Variants in VAV2 observed in about 807,000 individuals in gnomAD.
The protein encoded by VAV2 is vav guanine nucleotide exchange factor 2.
Under a neutral mutation model 132.5 loss-of-function variants are expected in VAV2, and 67 were observed. That is an observed-to-expected ratio of 0.51 (90% CI 0.42 to 0.62). The LOEUF is 0.62. Among genes scored for constraint, VAV2 ranks in the 20% least tolerant of loss-of-function variants. The pLI is 0.00. For synonymous variants in VAV2, 492 were observed against 443.5 expected (o/e 1.11, Z -1.37); for missense variants, 938 against 1,153.6 (o/e 0.81, Z 2.71).
At chr9:133,801,106 G>A (rs113796645) in intron 9 of VAV2, among the ~76,000 whole-genome samples, 3,115 of 152,288 alleles carry the variant, frequency 0.02, 89 homozygotes, top group African/African-American at 0.07. Flanking sequence ...CCTGCACCAG[G>A]CACTCACACA....
rs141598029 is a variant in VAV2 at position 133,862,707 on chromosome 9, C to T, written c.322-1275G>A. Among the ~76,000 whole-genome samples the T allele has an allele frequency of 2.8e-3, 432 of 152,312 alleles. 2 individuals are homozygous for T. Among genetic ancestry groups the T allele is most frequent in the African/African-American group, 0.01 (420 of 41,562 alleles). Reference sequence around the variant, plus strand: ...GGAGCCCAGAGGGCGCTCTGTGTGCCGGACACCACACCAGGGAACCCCACG... The same window carrying T: ...GGAGCCCAGAGGGCGCTCTGTGTGCTGGACACCACACCAGGGAACCCCACG... On this transcript the variant is annotated intron_variant, in intron 2 of 29. Coordinates refer to ENST00000371850, the MANE Select transcript of VAV2 (RefSeq NM_001134398.2).
At chr9:133,989,446 G>A (rs1239042897) in intron 1 of VAV2, among the ~76,000 whole-genome samples, 1 of 151,846 alleles carries the variant, frequency 6.6e-6, no homozygotes, top group African/African-American at 2.4e-5. Flanking sequence ...CTTGAACCCA[G>A]GAAGTGGAGG....
chr9:133,970,793 T>C (rs1842306325), intron 1 of VAV2, among the ~76,000 whole-genome samples: 1 of 152,218 alleles, frequency 6.6e-6, no homozygotes, highest in African/African-American at 2.4e-5. Flanking sequence ...AGGGCAGCCC[T>C]GAACTAGCAG....
Position 133,939,091 on chromosome 9 carries a change from GTGAC to G in VAV2, c.321+8_321+11del. 9 of 1,613,040 alleles carry G rather than the reference GTGAC, an allele frequency of 5.6e-6. No homozygotes were observed. Among genetic ancestry groups the G allele is most frequent in the Non-Finnish European group, 7.6e-6 (9 of 1,178,972 alleles). Reference sequence around the variant, plus strand: ...AGCTGAGCGACCGAGGCTGGAGAGAGTGACTGCTCACCTTTCCAAAGTCTCGCAC... The same window carrying G: ...AGCTGAGCGACCGAGGCTGGAGAGAGTGCTCACCTTTCCAAAGTCTCGCAC... On this transcript the variant is annotated splice_region_variant and intron_variant, in intron 2 of 29. Transcript: ENST00000371850.
At position 133,768,175 on chromosome 9, in the gene VAV2, G is replaced by A. The variant is rs1325010951; in HGVS notation, c.2589+267C>T. On this transcript the variant is annotated intron_variant, in intron 29 of 29. Coordinates refer to ENST00000371850, the MANE Select transcript of VAV2 (RefSeq NM_001134398.2). The surrounding 1 kb of genome is among the most constrained non-coding windows in gnomAD (Gnocchi z 5.3). The stretch of plus-strand genomic sequence containing the variant: ...CCAGAATAAAAATGGAACAGGGTCG[G>A]GGGGTTCCTAGGAGCCTGGATCCGC... Among the ~76,000 whole-genome samples, 1 of 152,136 alleles carries A rather than the reference G, an allele frequency of 6.6e-6. No individual in the cohort carries two copies. Among genetic ancestry groups the A allele is most frequent in the Non-Finnish European group, 1.5e-5 (1 of 68,000 alleles).
intron 2 of VAV2, among the ~76,000 whole-genome samples, chr9:133,937,976 C>T (rs1840987376): frequency 6.6e-6 from 1 of 152,236 alleles, no homozygotes; most frequent in African/African-American, 2.4e-5. Flanking sequence ...AGCCTGGTGG[C>T]TCCGGGATCG....
intron 1 of VAV2, among the ~76,000 whole-genome samples, chr9:133,982,406 C>T (rs186892243): frequency 4.8e-5 from 6 of 125,802 alleles, no homozygotes; most frequent in African/African-American, 1.7e-4. Flanking sequence ...ACCAGGCTGG[C>T]AGGGCAGGAG....
At chr9:133,851,893 A>ATGGATGGATGGATGGG (rs1241164706) in intron 3 of VAV2, among the ~76,000 whole-genome samples, 1 of 146,960 alleles carries the variant, frequency 6.8e-6, no homozygotes, top group Non-Finnish European at 1.5e-5. Context: ...GGATGCATGG[A>ATGGATGGATGGATGGG]TGGATGGATG....
chr9:133,808,899 G>C, intron 7 of VAV2, 141 bp downstream of exon 7: 1 of 737,412 alleles, frequency 1.4e-6, no homozygotes, highest in South Asian at 2.0e-5. Flanking sequence ...TGGAGGCAGA[G>C]CTGGGAGGGC....
At chr9:133,937,879 A>G (rs545563949) in intron 2 of VAV2, among the ~76,000 whole-genome samples, 6 of 152,278 alleles carry the variant, frequency 3.9e-5, no homozygotes, top group Admixed American at 2.0e-4. Flanking sequence ...ACTTCTAAGG[A>G]TTCGATGATT....
intron 29 of VAV2, 111 bp from the exon 30 acceptor site, chr9:133,764,220 CT>C: frequency 7.2e-7 from 1 of 1,386,412 alleles, no homozygotes; most frequent in Non-Finnish European, 1.0e-6. Flanking sequence ...ATGGGGGGCC[CT>C]TCGGAAGTCC....
chr9:133,885,694 C>A lies in VAV2; in HGVS notation c.322-24262G>T, dbSNP rs1012845357. 1.3e-5 allele frequency among the ~76,000 whole-genome samples: 2 copies of A among 152,222 alleles called. No individual in the cohort carries two copies. The highest frequency in any genetic ancestry group is 2.9e-5 in the Non-Finnish European group (2 of 68,048). ...GCTCTGAAATGACTGGACTCTGCATCTGGCCTCACCAGGTGATGCTCAGCT... is the reference window on the plus strand; with the variant it reads ...GCTCTGAAATGACTGGACTCTGCATATGGCCTCACCAGGTGATGCTCAGCT... On this transcript the variant is annotated intron_variant, in intron 2 of 29. Transcript: ENST00000371850. This position sits in a 1 kb window ranked among gnomAD's most constrained non-coding sequence, Gnocchi z 5.0.
chr9:133,799,766 G>GT (rs1261197705), intron 9 of VAV2, among the ~76,000 whole-genome samples: 1 of 152,066 alleles, frequency 6.6e-6, no homozygotes, highest in African/African-American at 2.4e-5. Flanking sequence ...GAGAAAAAGG[G>GT]TTTTCCCCTT....
Position 133,785,727 on chromosome 9 carries a change from C to T in VAV2, c.1532+49G>A, listed in dbSNP as rs754172571. On this transcript the variant is annotated intron_variant, in intron 17 of 29. Transcript: ENST00000371850. ...ACAATCCACCTGGGCTTCCACCCCC[C>T]ATACAACTCATCTGCCAGGGACCTG... 3.8e-6 allele frequency: 6 copies of T among 1,570,300 alleles called. No individual in the cohort carries two copies. The African/African-American group carries it at 4.1e-5, about 11-fold the overall frequency.
At chr9:133,853,619 C>T (rs1338267999) in intron 3 of VAV2, among the ~76,000 whole-genome samples, 3 of 152,086 alleles carry the variant, frequency 2.0e-5, no homozygotes, top group Non-Finnish European at 4.4e-5. Flanking sequence ...CCACACATGC[C>T]GCCCCCCTTT....
At chr9:133,924,743 G>A (rs893586769) in intron 2 of VAV2, among the ~76,000 whole-genome samples, 3 of 152,232 alleles carry the variant, frequency 2.0e-5, no homozygotes, top group Admixed American at 2.0e-4. Flanking sequence ...CTGGAAGGGA[G>A]GGGGCCTATG....
rs965034885 is a variant in VAV2, at chr9:133,884,060, G to A, written c.322-22628C>T. Reference sequence around the variant, plus strand: ...TGAGGCAGGGGAATCACTTGAACCCGGGAGGCGGAGGTTGCAGCGAGGCGG... The same window carrying A: ...TGAGGCAGGGGAATCACTTGAACCCAGGAGGCGGAGGTTGCAGCGAGGCGG... On this transcript the variant is annotated intron_variant, in intron 2 of 29. Transcript: ENST00000371850. The surrounding 1 kb of genome is among the most constrained non-coding windows in gnomAD (Gnocchi z 5.3). Among the ~76,000 whole-genome samples, 6 of 152,042 alleles carry A rather than the reference G, an allele frequency of 3.9e-5. No homozygotes were observed. In the East Asian group the frequency reaches 5.8e-4, roughly 15 times the overall value.
chr9:133,830,974 A>C (rs184613682), intron 4 of VAV2, among the ~76,000 whole-genome samples: 17 of 152,322 alleles, frequency 1.1e-4, no homozygotes, highest in African/African-American at 4.1e-4. Flanking sequence ...CTGCAGTCAT[A>C]AAGAGCTCGT....
At chr9:133,916,927 C>A (rs1040936411) in intron 2 of VAV2, among the ~76,000 whole-genome samples, 1 of 152,182 alleles carries the variant, frequency 6.6e-6, no homozygotes, top group Non-Finnish European at 1.5e-5. Context: ...CCTCAGCGTC[C>A]CCGTCCATCA....
Sources: allele counts gnomAD v4.1 joint callset (sites outside exome capture counted in the v4.1 genomes callset), GRCh38; gene constraint gnomAD v4.1.1; non-coding constraint Gnocchi (gnomAD v3.1); transcripts MANE v1.5; gene names NCBI Gene and HGNC (gene_info 2026-07-23, HGNC 2026-07-21).